Variants in DYSF observed in about 807,000 individuals in gnomAD.
DYSF encodes dystrophy-associated fer-1-like 1.
Under a neutral mutation model 274.9 loss-of-function variants are expected in DYSF, and 212 were observed. That is an observed-to-expected ratio of 0.77 (90% CI 0.69 to 0.86). DYSF has a LOEUF of 0.86. Among genes scored for constraint, DYSF ranks in the 40% least tolerant of loss-of-function variants. DYSF has a pLI of 0.00. For missense variants in DYSF, 2,666 were observed against 2,783.2 expected, an observed-to-expected ratio of 0.96 and a Z score of 0.95; for synonymous variants, 1,091 against 1,078.7, an observed-to-expected ratio of 1.01 and a Z score of -0.22.
intron 17 of DYSF, among the ~76,000 whole-genome samples, chr2:71,542,100 T>G (rs2089975979): frequency 6.6e-6 from 1 of 152,198 alleles, no homozygotes; most frequent in Admixed American, 6.5e-5. Flanking sequence ...TTGGCTCTGC[T>G]TCTTTGTAAC....
chr2:71,596,747 C>A (rs994323615), intron 32 of DYSF, among the ~76,000 whole-genome samples: 1 of 152,216 alleles, frequency 6.6e-6, no homozygotes, highest in Admixed American at 6.5e-5. Flanking sequence ...AGGCTCAAAA[C>A]CATTTTCCTG....
intron 20 of DYSF, 39 bp from the exon 21 acceptor site, chr2:71,553,768 A>G: frequency 2.2e-6 from 1 of 452,126 alleles, no homozygotes. Flanking sequence ...CCCGCCCTCC[A>G]CTCCTGGCAC....
At chr2:71,646,108 G>A (rs2094564203) in intron 42 of DYSF, among the ~76,000 whole-genome samples, 1 of 152,240 alleles carries the variant, frequency 6.6e-6, no homozygotes, top group African/African-American at 2.4e-5. Context: ...CAGAGATGAG[G>A]CACAGGCAGC....
chr2:71,618,262 T>G, intron 40 of DYSF, among the ~76,000 whole-genome samples: 3 of 37,492 alleles, frequency 8.0e-5, no homozygotes, highest in South Asian at 9.4e-4. Flanking sequence ...GCGTGTGTGG[T>G]AGAGGTGTGT....
At chr2:71,634,558 C>T (rs2094365686) in intron 41 of DYSF, among the ~76,000 whole-genome samples, 1 of 152,194 alleles carries the variant, frequency 6.6e-6, no homozygotes, top group Non-Finnish European at 1.5e-5. Context: ...GCAGAAATGA[C>T]ATTTTCAAGT....
At chr2:71,661,167 C>T (rs931598344) in intron 45 of DYSF, among the ~76,000 whole-genome samples, 22 of 147,796 alleles carry the variant, frequency 1.5e-4, no homozygotes, top group Non-Finnish European at 1.9e-4. Context: ...TGTGTGTAAG[C>T]TCAGAAGATG....
Position 71,526,351 on chromosome 2 carries a change from GTGGGGCGCGCCC to G in DYSF, c.1276+7_1276+18del. Reference sequence around the variant, plus strand: ...GGGCCGAGGACTTGCCGCAGAGTGCGTGGGGCGCGCCCTTGGGTGGGAGGTCTGCAGGAGGCT... The same window carrying G: ...GGGCCGAGGACTTGCCGCAGAGTGCGTTGGGTGGGAGGTCTGCAGGAGGCT... On this transcript the variant is annotated splice_donor_region_variant and intron_variant, in intron 13 of 55. Coordinates refer to ENST00000410020, the MANE Select transcript of DYSF (RefSeq NM_001130987.2). 1 of 1,613,166 alleles carries G rather than the reference GTGGGGCGCGCCC, an allele frequency of 6.2e-7. No individual in the cohort carries two copies. The highest frequency in any genetic ancestry group is 1.3e-5 in the African/African-American group (1 of 74,984).
At chr2:71,616,958 G>T (rs533069742) in intron 40 of DYSF, among the ~76,000 whole-genome samples, 3 of 152,182 alleles carry the variant, frequency 2.0e-5, no homozygotes, top group South Asian at 2.1e-4. Context: ...TTATGATTAT[G>T]ATTAGGGGAA....
intron 28 of DYSF, 96 bp from the exon 29 acceptor site, chr2:71,570,503 C>A: frequency 1.3e-6 from 2 of 1,550,420 alleles, no homozygotes; most frequent in Non-Finnish European, 8.8e-7. Context: ...TCAGTGGCCG[C>A]TCAAGAGTCT....
At chr2:71,606,612 C>T (rs769779684) in intron 36 of DYSF, among the ~76,000 whole-genome samples, 2 of 152,064 alleles carry the variant, frequency 1.3e-5, no homozygotes, top group Non-Finnish European at 2.9e-5. Flanking sequence ...GCAGAGACCT[C>T]AGGACTCCTG....
intron 3 of DYSF, among the ~76,000 whole-genome samples, chr2:71,496,845 A>G (rs943539661): frequency 6.6e-6 from 1 of 152,226 alleles, no homozygotes; most frequent in Non-Finnish European, 1.5e-5. Flanking sequence ...GGTCAAATGT[A>G]TAGACTGGGC....
At chr2:71,671,935 G>A (rs750360083) in intron 51 of DYSF, among the ~76,000 whole-genome samples, 27 of 152,140 alleles carry the variant, frequency 1.8e-4, no homozygotes, top group Admixed American at 1.4e-3. Context: ...GTCTTGGTCA[G>A]ACTTGGGAGA....
intron 42 of DYSF, among the ~76,000 whole-genome samples, chr2:71,651,587 G>T (rs1232862911): frequency 6.6e-6 from 1 of 152,058 alleles, no homozygotes; most frequent in East Asian, 1.9e-4. Flanking sequence ...AATTTTCAAA[G>T]AATAAATAAT....
intron 1 of DYSF, among the ~76,000 whole-genome samples, chr2:71,470,091 T>C (rs747331206): frequency 1.3e-5 from 2 of 152,202 alleles, no homozygotes; most frequent in African/African-American, 4.8e-5. Context: ...ACTTGGTGAA[T>C]TTCTGCCCTG....
intron 50 of DYSF, among the ~76,000 whole-genome samples, 194 bp downstream of exon 50, chr2:71,669,401 G>A (rs2095078784): frequency 6.6e-6 from 1 of 152,114 alleles, no homozygotes; most frequent in East Asian, 1.9e-4. Context: ...ACTGAACTTT[G>A]GGTTGAACTT....
At chr2:71,497,681 A>T (rs1486933355) in intron 3 of DYSF, among the ~76,000 whole-genome samples, 1 of 152,244 alleles carries the variant, frequency 6.6e-6, no homozygotes, top group Non-Finnish European at 1.5e-5. Context: ...CTGGCTGCTT[A>T]TTCTCATGGC....
chr2:71,557,429 T>C (rs894644702), intron 22 of DYSF, among the ~76,000 whole-genome samples: 15 of 152,108 alleles, frequency 9.9e-5, no homozygotes, highest in Non-Finnish European at 1.8e-4. Context: ...TGTTGCCCAA[T>C]TGGGCGGCCC....
At chr2:71,550,076 G>A (rs2090819411) in intron 17 of DYSF, among the ~76,000 whole-genome samples, 1 of 152,228 alleles carries the variant, frequency 6.6e-6, no homozygotes, top group African/African-American at 2.4e-5. Context: ...TCTTTGCTGA[G>A]GCCATTTGTT....
intron 55 of DYSF, among the ~76,000 whole-genome samples, chr2:71,684,151 G>A (rs2095328223): frequency 6.6e-6 from 1 of 152,222 alleles, no homozygotes; most frequent in Admixed American, 6.5e-5. Context: ...CTGTGGTCCA[G>A]GGTAGATCTA....
Sources: gnomAD v4.1 joint callset for allele counts (sites outside exome capture counted in the v4.1 genomes callset) on GRCh38, gnomAD v4.1.1 for gene constraint, MANE v1.5 for transcripts, NCBI Gene and HGNC (gene_info 2026-07-23, HGNC 2026-07-21) for gene names.